The following TMC7 variants were observed in gnomAD, a reference collection of about 807,000 sequenced individuals.
The protein encoded by TMC7 is transmembrane channel-like protein 7.
TMC7 carries 54 observed loss-of-function variants against 82.9 expected under a neutral mutation model. The observed-to-expected ratio is 0.65, with a 90% confidence interval of 0.52 to 0.82. The LOEUF (loss-of-function observed/expected upper bound fraction) is 0.82. Ranked by LOEUF, TMC7 falls within the 40% of genes least tolerant of loss-of-function variation. The probability of loss-of-function intolerance (pLI) is 0.00; values close to 1 mark genes in which losing one functional copy is unlikely to be tolerated. For missense variants in TMC7, 820 were observed against 901.2 expected (o/e 0.91, Z 1.15); for synonymous variants, 350 against 337.9 (o/e 1.04, Z -0.39).
chr16:19,001,501 C>T (rs1302792482), intron 1 of TMC7, among the ~76,000 whole-genome samples: 4 of 152,228 alleles, frequency 2.6e-5, no homozygotes, highest in South Asian at 2.1e-4. Flanking sequence ...GGCAACATAA[C>T]GAGACCTCAT....
intron 4 of TMC7, among the ~76,000 whole-genome samples, chr16:19,022,325 AAT>A (rs984578550): frequency 1.3e-5 from 2 of 152,212 alleles, no homozygotes; most frequent in African/African-American, 4.8e-5. Context: ...CAAATATGCA[AAT>A]ATATATGACA....
chr16:19,039,166 C>T (rs1960897049), intron 8 of TMC7, among the ~76,000 whole-genome samples: 1 of 150,738 alleles, frequency 6.6e-6, no homozygotes, highest in Admixed American at 6.7e-5. Flanking sequence ...TCCCGGCTCA[C>T]TGCAACCTCC....
chr16:19,051,441 C>T (rs544670517), intron 12 of TMC7, among the ~76,000 whole-genome samples: 1 of 149,758 alleles, frequency 6.7e-6, no homozygotes, highest in East Asian at 2.0e-4. Context: ...TGTGATGTTC[C>T]CCTTCCTGTG....
intron 13 of TMC7, among the ~76,000 whole-genome samples, chr16:19,055,013 G>A (rs1022864792): frequency 6.6e-6 from 1 of 152,006 alleles, no homozygotes; most frequent in Non-Finnish European, 1.5e-5. Flanking sequence ...CTCCCAAAGT[G>A]CTGGGATTAT....
intron 13 of TMC7, among the ~76,000 whole-genome samples, chr16:19,055,252 T>C (rs1175477743): frequency 6.6e-6 from 1 of 152,200 alleles, no homozygotes. Context: ...CTAATGGCAC[T>C]CTCTTTTATG....
intron 12 of TMC7, among the ~76,000 whole-genome samples, chr16:19,049,904 A>G (rs184788683): frequency 6.6e-6 from 1 of 152,194 alleles, no homozygotes; most frequent in East Asian, 1.9e-4. Flanking sequence ...CTTACTCCCC[A>G]TTTGATATTT....
At chr16:19,035,943 C>T (rs1279406357) in intron 7 of TMC7, 120 bp downstream of exon 7, 1 of 1,116,452 alleles carries the variant, frequency 9.0e-7, no homozygotes, top group East Asian at 2.6e-5. Context: ...TGGTACTTAG[C>T]AAGTTACCCC....
At chr16:18,984,646 G>A in intron 1 of TMC7, 1 of 419,616 alleles carries the variant, frequency 2.4e-6, no homozygotes, top group Non-Finnish European at 3.2e-6. Flanking sequence ...GAATGGGGCG[G>A]GGATTAGCTG....
At chr16:19,027,724 T>G (rs939681759) in intron 5 of TMC7, among the ~76,000 whole-genome samples, 1 of 152,102 alleles carries the variant, frequency 6.6e-6, no homozygotes, top group Non-Finnish European at 1.5e-5. Context: ...TGCTTCTACT[T>G]TTTCTTTTCC....
At chr16:19,060,976 G>T (rs1024443684) in intron 15 of TMC7, among the ~76,000 whole-genome samples, 1 of 150,398 alleles carries the variant, frequency 6.6e-6, no homozygotes, top group African/African-American at 2.5e-5. Context: ...TAGTAGAGAA[G>T]GGGTTTCACC....
Position 19,056,716 on chromosome 16 carries a change from G to A in TMC7, c.2027+19G>A. ...TTATTTGGTGAGTGAGAACCACCAG[G>A]ACCCACTGAGGCACGTGGGCTCCTC... On this transcript the variant is annotated intron_variant, in intron 14 of 15. Coordinates refer to ENST00000304381, the MANE Select transcript of TMC7 (RefSeq NM_024847.4). 1.2e-6 allele frequency: 2 copies of A among 1,610,980 alleles called. No individual in the cohort carries two copies. Among genetic ancestry groups the A allele is most frequent in the East Asian group, 2.2e-5 (1 of 44,840 alleles).
At chr16:19,042,325 C>T (rs1961050836) in intron 9 of TMC7, among the ~76,000 whole-genome samples, 1 of 151,796 alleles carries the variant, frequency 6.6e-6, no homozygotes, top group Non-Finnish European at 1.5e-5. Flanking sequence ...CAGGTGCACA[C>T]CACCATGCCA....
At chr16:19,042,622 C>T (rs1435478410) in intron 9 of TMC7, among the ~76,000 whole-genome samples, 16 of 151,922 alleles carry the variant, frequency 1.1e-4, no homozygotes, top group African/African-American at 3.9e-4. Flanking sequence ...ATTCTTCTGC[C>T]TCAGCCTCCC....
At chr16:19,008,253 G>GC in intron 1 of TMC7, among the ~76,000 whole-genome samples, 1 of 152,274 alleles carries the variant, frequency 6.6e-6, no homozygotes, top group Middle Eastern at 3.4e-3. Context: ...TCAGCAGAAA[G>GC]CCCGCCTGCC....
chr16:18,984,039 C>T lies in TMC7; in HGVS notation c.-25C>T, dbSNP rs375014783. On this transcript the variant is annotated 5_prime_UTR_variant, in exon 1 of 16. Coordinates refer to ENST00000304381, the MANE Select transcript of TMC7 (RefSeq NM_024847.4). ...GGCGGCTGGAGAGGGTCCTCGGCAG[C>T]CTCTGAGGAGCGCGGGGCGCGGCCA... 2.9e-5 allele frequency: 43 copies of T among 1,467,296 alleles called. No homozygotes were observed. The East Asian group carries it at 4.1e-4, about 14-fold the overall frequency. 90.9% of individuals were successfully genotyped at this position (1,467,296 alleles called of 1,614,324 possible).
At chr16:19,055,935 G>A (rs1455179386) in intron 13 of TMC7, among the ~76,000 whole-genome samples, 2 of 152,108 alleles carry the variant, frequency 1.3e-5, no homozygotes, top group Non-Finnish European at 2.9e-5. Context: ...TCTAAATTAA[G>A]AGACCGGAGA....
At chr16:19,023,993 T>C (rs1205209717) in intron 5 of TMC7, among the ~76,000 whole-genome samples, 53 of 152,190 alleles carry the variant, frequency 3.5e-4, no homozygotes, top group Admixed American at 3.3e-3. Context: ...CTGCATATCA[T>C]GTACATGGGC....
chr16:18,999,828 A>T (rs1023618326), intron 1 of TMC7, among the ~76,000 whole-genome samples: 11 of 151,880 alleles, frequency 7.2e-5, no homozygotes, highest in Non-Finnish European at 2.9e-5. Flanking sequence ...CAGTGGCGCG[A>T]TCTCGGCTCA....
intron 14 of TMC7, 26 bp downstream of exon 14, chr16:19,056,723 T>C (rs533704481): frequency 2.0e-4 from 323 of 1,608,174 alleles, no homozygotes; most frequent in Non-Finnish European, 2.7e-4. Context: ...CAGGACCCAC[T>C]GAGGCACGTG....
Sources: gnomAD v4.1 joint callset for allele counts (sites outside exome capture counted in the v4.1 genomes callset) on GRCh38, gnomAD v4.1.1 for gene constraint, MANE v1.5 for transcripts, NCBI Gene and HGNC (gene_info 2026-07-23, HGNC 2026-07-21) for gene names.